SRBD1: variants seen among roughly 807,000 people sequenced by gnomAD.
SRBD1 encodes the protein S1 RNA-binding domain-containing protein 1.
In SRBD1, 88 loss-of-function variants were observed where a neutral mutation model predicts 115.3. The ratio of observed to expected loss-of-function variants is 0.76; its 90% CI spans 0.64 to 0.91. The LOEUF is 0.91. SRBD1 is among the 40% of genes least tolerant of loss of function. The pLI is 0.00. For synonymous variants in SRBD1, 509 were observed against 407.7 expected (o/e 1.25, Z -2.99); for missense variants, 1,385 against 1,177.4 (o/e 1.18, Z -2.58).
intron 7 of SRBD1, among the ~76,000 whole-genome samples, chr2:45,579,438 T>C (rs1174343355): frequency 2.0e-5 from 3 of 152,124 alleles, no homozygotes; most frequent in Admixed American, 6.6e-5. Context: ...TATAGGAGAA[T>C]CTTTATAAAC....
chr2:45,396,191 G>T (rs1204344468), intron 19 of SRBD1, among the ~76,000 whole-genome samples: 1 of 152,078 alleles, frequency 6.6e-6, no homozygotes, highest in Non-Finnish European at 1.5e-5. Context: ...TATTCTAACT[G>T]GAGTTTTATG....
intron 9 of SRBD1, among the ~76,000 whole-genome samples, chr2:45,571,089 T>G (rs1672991518): frequency 6.6e-6 from 1 of 152,130 alleles, no homozygotes; most frequent in African/African-American, 2.4e-5. Context: ...TGAAAAGATC[T>G]GAGGGAACCT....
chr2:45,553,285 G>C (rs1450683100), intron 11 of SRBD1, among the ~76,000 whole-genome samples: 1 of 152,050 alleles, frequency 6.6e-6, no homozygotes, highest in Non-Finnish European at 1.5e-5. Flanking sequence ...CAAAGTAATT[G>C]ATTCATCATG....
rs1481598239 is a variant in SRBD1 at position 45,438,068 on chromosome 2, T to A, written c.2050-18174A>T. Among the ~76,000 whole-genome samples, 3 of 152,210 alleles carry A rather than the reference T, an allele frequency of 2.0e-5. No individual in the cohort carries two copies. In the East Asian group the frequency reaches 5.8e-4, roughly 29 times the overall value. ...TCATCAATTGTAACAAATGTGCCATTCTGGTGCAGAATGTTGAGACTGGAG... is the reference window on the plus strand; with the variant it reads ...TCATCAATTGTAACAAATGTGCCATACTGGTGCAGAATGTTGAGACTGGAG... On this transcript the variant is annotated intron_variant, in intron 16 of 20. Transcript: ENST00000263736.
At chr2:45,592,524 C>A (rs1047989794) in intron 4 of SRBD1, among the ~76,000 whole-genome samples, 2 of 152,124 alleles carry the variant, frequency 1.3e-5, no homozygotes, top group Non-Finnish European at 2.9e-5. Context: ...TGTTCTAAAG[C>A]CTTTTAAACA....
chr2:45,575,892 C>T (rs898034730), intron 7 of SRBD1, among the ~76,000 whole-genome samples: 2 of 152,056 alleles, frequency 1.3e-5, no homozygotes, highest in African/African-American at 2.4e-5. Flanking sequence ...TTAGTAGTGA[C>T]GGGCTTTCAC....
At chr2:45,522,993 T>G (rs538911054) in intron 14 of SRBD1, among the ~76,000 whole-genome samples, 66 of 152,184 alleles carry the variant, frequency 4.3e-4, no homozygotes, top group African/African-American at 1.5e-3. Context: ...AAGGGTCAGA[T>G]GTATTCTAAA....
intron 20 of SRBD1, among the ~76,000 whole-genome samples, chr2:45,390,831 T>C (rs1666976479): frequency 6.6e-6 from 1 of 152,242 alleles, no homozygotes; most frequent in African/African-American, 2.4e-5. Flanking sequence ...AAACCTTCTT[T>C]AAACTCCAAA....
chr2:45,427,144 A>G (rs1047431744), intron 16 of SRBD1, among the ~76,000 whole-genome samples: 1 of 152,238 alleles, frequency 6.6e-6, no homozygotes, highest in Non-Finnish European at 1.5e-5. Context: ...AAAAATAAGC[A>G]GGGGTTGCAA....
At chr2:45,512,562 A>G (rs1299257686) in intron 14 of SRBD1, among the ~76,000 whole-genome samples, 1 of 152,216 alleles carries the variant, frequency 6.6e-6, no homozygotes, top group Non-Finnish European at 1.5e-5. Context: ...GAACTCTACT[A>G]TTTCCATGTG....
chr2:45,533,359 C>T (rs1671671499), intron 14 of SRBD1, among the ~76,000 whole-genome samples: 1 of 152,012 alleles, frequency 6.6e-6, no homozygotes, highest in South Asian at 2.1e-4. Flanking sequence ...GAGATGGTTA[C>T]TAAAAGTCCT....
At chr2:45,521,231 A>C (rs1035623684) in intron 14 of SRBD1, among the ~76,000 whole-genome samples, 1 of 151,876 alleles carries the variant, frequency 6.6e-6, no homozygotes, top group Non-Finnish European at 1.5e-5. Context: ...ACAGAGGGGG[A>C]AAGTGCCAGT....
intron 19 of SRBD1, among the ~76,000 whole-genome samples, chr2:45,400,728 C>A (rs1667269219): frequency 6.6e-6 from 1 of 151,958 alleles, no homozygotes; most frequent in African/African-American, 2.4e-5. Context: ...TGTCCAGGTG[C>A]TAAGTATTCT....
chr2:45,487,319 G>T (rs1046554202), intron 15 of SRBD1, among the ~76,000 whole-genome samples: 3 of 152,122 alleles, frequency 2.0e-5, no homozygotes, highest in South Asian at 4.1e-4. Context: ...TATTGCTTAT[G>T]ATACCAACTG....
chr2:45,552,905 TAG>T (rs1475995006), intron 11 of SRBD1, among the ~76,000 whole-genome samples: 1 of 152,190 alleles, frequency 6.6e-6, no homozygotes, highest in Non-Finnish European at 1.5e-5. Flanking sequence ...CTAAAAATTC[TAG>T]AGAGGTTGAA....
intron 15 of SRBD1, among the ~76,000 whole-genome samples, chr2:45,483,325 T>G (rs1670021364): frequency 6.6e-6 from 1 of 152,048 alleles, no homozygotes; most frequent in Non-Finnish European, 1.5e-5. Flanking sequence ...AAAATTACAT[T>G]TGACACACCA....
intron 12 of SRBD1, among the ~76,000 whole-genome samples, chr2:45,548,447 C>CT (rs1261812491): frequency 1.3e-5 from 2 of 151,934 alleles, no homozygotes; most frequent in African/African-American, 2.4e-5. Flanking sequence ...TTATAAACAA[C>CT]TTTATATTAA....
chr2:45,607,593 A>G lies in SRBD1; in HGVS notation c.1-2152T>C, dbSNP rs1014355763. Among the ~76,000 whole-genome samples, 3 of 152,314 alleles carry G rather than the reference A, an allele frequency of 2.0e-5. No homozygotes were observed. In the South Asian group the frequency reaches 6.2e-4, roughly 32 times the overall value. On this transcript the variant is annotated intron_variant, in intron 1 of 20. Coordinates refer to ENST00000263736, the MANE Select transcript of SRBD1 (RefSeq NM_018079.5). ...AATCCCAAGCCAGTAGTGGGAGCATATGAGAACCAAACCAATTTACCCTGC... is the reference window on the plus strand; with the variant it reads ...AATCCCAAGCCAGTAGTGGGAGCATGTGAGAACCAAACCAATTTACCCTGC...
intron 4 of SRBD1, among the ~76,000 whole-genome samples, chr2:45,597,194 G>T (rs548412992): frequency 1.9e-4 from 29 of 152,250 alleles, no homozygotes; most frequent in African/African-American, 7.0e-4. Flanking sequence ...AAAGAGGTGG[G>T]CGGATCACCA....
Sources: gnomAD v4.1 joint callset for allele counts (sites outside exome capture counted in the v4.1 genomes callset) on GRCh38, gnomAD v4.1.1 for gene constraint, MANE v1.5 for transcripts, NCBI Gene and HGNC (gene_info 2026-07-23, HGNC 2026-07-21) for gene names.